Variants in MORN1 observed in about 807,000 individuals in gnomAD.
MORN1 encodes MORN repeat containing 1.
MORN1 carries 67 observed loss-of-function variants against 61.9 expected under a neutral mutation model. That is an observed-to-expected ratio of 1.08 (90% CI 0.89 to 1.33). MORN1 has a LOEUF of 1.33. Among genes scored for constraint, MORN1 ranks in the 40% most tolerant of loss-of-function variants. MORN1 has a pLI of 0.00. For missense variants in MORN1, 752 were observed against 691.2 expected (o/e 1.09, Z -0.99); for synonymous variants, 301 against 292.0 (o/e 1.03, Z -0.31).
chr1:2,382,550 C>A (rs905751423), intron 6 of MORN1, among the ~76,000 whole-genome samples: 22 of 152,290 alleles, frequency 1.4e-4, no homozygotes, highest in Admixed American at 1.2e-3. Context: ...GGGGTGGGGG[C>A]CCGGGTGTGC....
At chr1:2,324,609 C>T (rs762259713) in intron 12 of MORN1, among the ~76,000 whole-genome samples, 46 of 152,128 alleles carry the variant, frequency 3.0e-4, no homozygotes, top group Non-Finnish European at 5.7e-4. Context: ...TATGGTGCCC[C>T]CTTGGAGGAA....
At chr1:2,364,124 T>C (rs547081691) in intron 8 of MORN1, among the ~76,000 whole-genome samples, 3 of 152,222 alleles carry the variant, frequency 2.0e-5, no homozygotes, top group Non-Finnish European at 2.9e-5. Context: ...ACCATGCTAA[T>C]GCTAGTCAAA....
chr1:2,373,928 G>A (rs1410388133), intron 7 of MORN1, among the ~76,000 whole-genome samples: 2 of 152,224 alleles, frequency 1.3e-5, no homozygotes, highest in African/African-American at 4.8e-5. Context: ...GGCCAGAGTC[G>A]GTGCTGGCGG....
At chr1:2,323,073 A>C (rs1353805471) in intron 13 of MORN1, 14 of 985,252 alleles carry the variant, frequency 1.4e-5, no homozygotes, top group Non-Finnish European at 1.3e-5. Context: ...GCGGCTGCGC[A>C]CAGGTGCCAG....
At chr1:2,347,643 G>A (rs1322830670) in intron 10 of MORN1, among the ~76,000 whole-genome samples, 1 of 152,136 alleles carries the variant, frequency 6.6e-6, no homozygotes, top group Non-Finnish European at 1.5e-5. Context: ...GGCCACGCAG[G>A]TGTCCTCCCC....
chr1:2,348,936 C>G (rs936076324), intron 10 of MORN1, among the ~76,000 whole-genome samples: 9 of 147,662 alleles, frequency 6.1e-5, no homozygotes, highest in African/African-American at 1.2e-4. Flanking sequence ...GATGCAAACC[C>G]CCAGTCCACA....
At chr1:2,344,471 G>T (rs1641465822) in intron 10 of MORN1, among the ~76,000 whole-genome samples, 2 of 152,368 alleles carry the variant, frequency 1.3e-5, no homozygotes, top group South Asian at 4.1e-4. Flanking sequence ...AGGCCTGGGG[G>T]ACGGGGTGTG....
At chr1:2,326,472 G>C (rs1442021109) in intron 12 of MORN1, 1 of 152,266 alleles carries the variant, frequency 6.6e-6, no homozygotes, top group East Asian at 1.9e-4. Context: ...GGGAGGAGGT[G>C]GTGCAGATTT....
At chr1:2,325,164 C>CCTTCCCTCCCTTT (rs1640991578) in intron 12 of MORN1, among the ~76,000 whole-genome samples, 1 of 108,072 alleles carries the variant, frequency 9.3e-6, no homozygotes. Context: ...TCCCTCCCTT[C>CCTTCCCTCCCTTT]CTTCCTTTCC....
chr1:2,374,591 C>T, intron 6 of MORN1, 34 bp from the exon 7 acceptor site: 1 of 1,554,050 alleles, frequency 6.4e-7, no homozygotes, highest in African/African-American at 1.4e-5. Flanking sequence ...AGGCTGGTGG[C>T]TCCCAAGGGG....
Position 2,321,529 on chromosome 1 carries a change from GC to G in MORN1, c.1347del (p.Arg450AlafsTer13). 6.5e-7 allele frequency: 1 copy of G among 1,536,872 alleles called. No homozygotes were observed. Among genetic ancestry groups the G allele is most frequent in the Non-Finnish European group, 8.8e-7 (1 of 1,141,180 alleles). On this transcript the variant is annotated frameshift_variant, in exon 14 of 14. Coordinates refer to ENST00000378531, the MANE Select transcript of MORN1 (RefSeq NM_024848.3). LOFTEE classifies it low-confidence loss of function (END_TRUNC). ...TGTTTGAAGGCCGGGGGCAGCCTGC[GC>G]CCCAGGAACGGCGGGGTGGTCACGT... Reference protein sequence around the residue: ...IRDVTTPPFLGRRLPPAFKHL... With the variant: ...IRDVTTPPFLXRRLPPAFKHL...
intron 8 of MORN1, among the ~76,000 whole-genome samples, chr1:2,366,783 G>A (rs1028602922): frequency 6.6e-6 from 1 of 152,024 alleles, no homozygotes; most frequent in African/African-American, 2.4e-5. Flanking sequence ...TGATGTGCTC[G>A]CCTCAGCCTC....
At chr1:2,358,871 C>A (rs980891469) in intron 8 of MORN1, among the ~76,000 whole-genome samples, 156 bp from the exon 9 acceptor site, 1 of 152,160 alleles carries the variant, frequency 6.6e-6, no homozygotes, top group Non-Finnish European at 1.5e-5. Flanking sequence ...CCCGGCTTGC[C>A]CTCCGTGGGC....
intron 12 of MORN1, among the ~76,000 whole-genome samples, chr1:2,326,976 A>G (rs1476143542): frequency 6.6e-6 from 1 of 152,252 alleles, no homozygotes; most frequent in African/African-American, 2.4e-5. Context: ...CGCTGTGGAC[A>G]CACTGGCGCC....
chr1:2,325,129 T>C (rs1166975784), intron 12 of MORN1, among the ~76,000 whole-genome samples: 20 of 55,128 alleles, frequency 3.6e-4, no homozygotes, highest in South Asian at 1.5e-3. Context: ...TTCCCTTCCT[T>C]CCTTCCCTCC....
intron 12 of MORN1, among the ~76,000 whole-genome samples, chr1:2,328,253 C>G (rs1641077908): frequency 6.6e-6 from 1 of 152,256 alleles, no homozygotes; most frequent in Non-Finnish European, 1.5e-5. Context: ...TGCTGCCAGG[C>G]CAGGGAGGGC....
At chr1:2,341,834 C>G (rs1486068643) in intron 10 of MORN1, among the ~76,000 whole-genome samples, 2 of 152,288 alleles carry the variant, frequency 1.3e-5, no homozygotes, top group African/African-American at 4.8e-5. Context: ...TCCTCTCTTC[C>G]CCGTCTGAGT....
rs183759506 is a variant in MORN1 at position 2,353,092 on chromosome 1, G to A, written c.1036+4340C>T. ...TGCAGGCCAGGCCAGAGGCTTCAACGGGGCCCACCTCTTTGCATGGGTCTG... is the reference window on the plus strand; with the variant it reads ...TGCAGGCCAGGCCAGAGGCTTCAACAGGGCCCACCTCTTTGCATGGGTCTG... On this transcript the variant is annotated intron_variant, in intron 10 of 13. Transcript: ENST00000378531. 1.3e-4 allele frequency among the ~76,000 whole-genome samples: 20 copies of A among 152,352 alleles called. No homozygotes were observed. In the East Asian group the frequency reaches 1.4e-3, roughly 10 times the overall value.
chr1:2,368,983 G>C (rs1642052516), intron 8 of MORN1, among the ~76,000 whole-genome samples: 1 of 151,644 alleles, frequency 6.6e-6, no homozygotes, highest in Non-Finnish European at 1.5e-5. Context: ...CTTGAGCCCG[G>C]GAAGCAGAGG....
Sources: gnomAD v4.1 joint callset for allele counts (sites outside exome capture counted in the v4.1 genomes callset) on GRCh38, gnomAD v4.1.1 for gene constraint, MANE v1.5 for transcripts, NCBI Gene and HGNC (gene_info 2026-07-23, HGNC 2026-07-21) for gene names.